Variants in FMNL2 observed in about 807,000 individuals in gnomAD.
FMNL2 encodes formin like 2.
In FMNL2, 51 loss-of-function variants were observed where a neutral mutation model predicts 130.2. The ratio of observed to expected loss-of-function variants is 0.39; its 90% CI spans 0.31 to 0.49. The LOEUF (loss-of-function observed/expected upper bound fraction) is 0.49, where lower values mean the gene tolerates loss of function less well. Ranked by LOEUF, FMNL2 falls within the 20% of genes least tolerant of loss-of-function variation. The pLI, the probability that FMNL2 is intolerant of heterozygous loss-of-function variation, is 0.85. For missense variants in FMNL2, 977 were observed against 1,316.2 expected (o/e 0.74, Z 3.99); for synonymous variants, 465 against 467.1 (o/e 1.00, Z 0.06).
intron 1 of FMNL2, among the ~76,000 whole-genome samples, chr2:152,483,195 C>T (rs1380170027): frequency 6.6e-6 from 1 of 152,002 alleles, no homozygotes. Flanking sequence ...CACACGCAAA[C>T]AGAAACATGG....
intron 1 of FMNL2, among the ~76,000 whole-genome samples, chr2:152,379,786 C>T (rs1684362365): frequency 6.6e-6 from 1 of 152,124 alleles, no homozygotes; most frequent in East Asian, 1.9e-4. Context: ...GTCTTAAATG[C>T]TTGGGAGATT....
chr2:152,368,046 G>A (rs956649176), intron 1 of FMNL2, among the ~76,000 whole-genome samples: 1 of 152,162 alleles, frequency 6.6e-6, no homozygotes, highest in South Asian at 2.1e-4. Context: ...TAAAATCTGA[G>A]ACTTACTGGA....
intron 18 of FMNL2, among the ~76,000 whole-genome samples, chr2:152,629,213 C>T (rs896809441): frequency 6.6e-6 from 1 of 152,238 alleles, no homozygotes; most frequent in Admixed American, 6.5e-5. Flanking sequence ...CTGTTGAAAA[C>T]ATGTTCTGAG....
intron 2 of FMNL2, among the ~76,000 whole-genome samples, chr2:152,541,950 A>T (rs1411151504): frequency 1.3e-5 from 2 of 152,106 alleles, no homozygotes; most frequent in Non-Finnish European, 2.9e-5. Context: ...TTTGGACATT[A>T]GGGTCTATAA....
chr2:152,611,436 G>C (rs1019545093), intron 10 of FMNL2, 59 bp from the exon 11 acceptor site: 1 of 856,296 alleles, frequency 1.2e-6, no homozygotes, highest in African/African-American at 1.7e-5. Flanking sequence ...GCACATGTCT[G>C]CAGTTAAACT....
intron 24 of FMNL2, 49 bp downstream of exon 24, chr2:152,640,105 G>A (rs1682954950): frequency 6.8e-7 from 1 of 1,468,890 alleles, no homozygotes. Context: ...GAGGCTGAGA[G>A]GGCTCTTCAG....
intron 9 of FMNL2, among the ~76,000 whole-genome samples, chr2:152,589,225 A>G (rs1580030310): frequency 6.6e-6 from 1 of 151,670 alleles, no homozygotes; most frequent in African/African-American, 2.4e-5. Flanking sequence ...CTTTAATTAG[A>G]CCCCTTCTGC....
chr2:152,442,873 A>C (rs1688124749), intron 1 of FMNL2, among the ~76,000 whole-genome samples: 5 of 152,180 alleles, frequency 3.3e-5, no homozygotes. Context: ...TTCCATGCTC[A>C]GTTTATGATT....
At position 152,619,089 on chromosome 2, in the gene FMNL2, G is replaced by A; in HGVS notation, c.1558G>A (p.Ala520Thr). 3 of 1,612,340 alleles carry A rather than the reference G, an allele frequency of 1.9e-6. No individual in the cohort carries two copies. The highest frequency in any genetic ancestry group is 2.5e-6 in the Non-Finnish European group (3 of 1,178,680). ...AGNSVGPTMG[A>T]ASSGPLPPPP... The stretch of plus-strand genomic sequence containing the variant: ...TAACTCTGTGGGACCCACAATGGGG[G>A]CCGCTTCCTCAGGACCCTTGCCCCC... Residue 520 changes from alanine (A) to threonine (T), a missense_variant, in exon 14 of 26, where the codon GCC (alanine) becomes ACC (threonine). Ala to Thr is a moderately conservative substitution (Grantham distance 58). Coordinates refer to ENST00000288670, the MANE Select transcript of FMNL2 (RefSeq NM_052905.4).
chr2:152,459,929 A>C (rs990981053), intron 1 of FMNL2, among the ~76,000 whole-genome samples: 1 of 152,216 alleles, frequency 6.6e-6, no homozygotes, highest in African/African-American at 2.4e-5. Context: ...AAATCACCAA[A>C]ATTTTCGTTT....
rs184485357 is a variant in FMNL2 at position 152,447,109 on chromosome 2, T to C, written c.118-74834T>C. On this transcript the variant is annotated intron_variant, in intron 1 of 25. Transcript: ENST00000288670. Reference sequence around the variant, plus strand: ...TTGTGTGAATAAACTCACTTTTTTTTTTTTTGGAGACAAGTTTCTTACTTT... The same window carrying C: ...TTGTGTGAATAAACTCACTTTTTTTCTTTTTGGAGACAAGTTTCTTACTTT... Among the ~76,000 whole-genome samples, 949 of 152,242 alleles carry C rather than the reference T, an allele frequency of 6.2e-3. 5 individuals are homozygous for C. Among genetic ancestry groups the C allele is most frequent in the Non-Finnish European group, 0.01 (711 of 68,020 alleles).
chr2:152,431,294 G>A (rs1687479226), intron 1 of FMNL2, among the ~76,000 whole-genome samples: 1 of 152,190 alleles, frequency 6.6e-6, no homozygotes, highest in Non-Finnish European at 1.5e-5. Context: ...TGATAATGGT[G>A]TGAAAACTTT....
chr2:152,421,666 A>G (rs761305639), intron 1 of FMNL2, among the ~76,000 whole-genome samples: 13 of 152,140 alleles, frequency 8.5e-5, no homozygotes, highest in Non-Finnish European at 1.8e-4. Context: ...AGATGATTCA[A>G]TTCTGTTGGC....
intron 6 of FMNL2, among the ~76,000 whole-genome samples, chr2:152,563,216 T>C (rs58025578): frequency 0.012 from 1,791 of 152,284 alleles, 27 homozygotes; most frequent in African/African-American, 0.038. Flanking sequence ...TGGAAAAACA[T>C]AGGCATTATA....
At position 152,636,507 on chromosome 2, in the gene FMNL2, G is replaced by C. The variant is rs1412659657; in HGVS notation, c.2761G>C (p.Asp921His). ...GACCAAGAGAGAGTACACCATGCAT[G>C]ACCATAACACGCTGCTGAAGGAGTT... Reference protein sequence around the residue: ...DLTKREYTMHDHNTLLKEFIL... With the variant: ...DLTKREYTMHHHNTLLKEFIL... Residue 921 changes from aspartate to histidine, a missense_variant, in exon 22 of 26, where the codon GAC becomes CAC. Coordinates refer to ENST00000288670, the MANE Select transcript of FMNL2 (RefSeq NM_052905.4). 9.3e-6 allele frequency: 15 copies of C among 1,607,900 alleles called. No individual in the cohort carries two copies. Among genetic ancestry groups the C allele is most frequent in the Non-Finnish European group, 1.3e-5 (15 of 1,176,874 alleles).
chr2:152,404,792 T>C (rs1257987178), intron 1 of FMNL2, among the ~76,000 whole-genome samples: 1 of 152,134 alleles, frequency 6.6e-6, no homozygotes, highest in African/African-American at 2.4e-5. Context: ...TGTATAAAAT[T>C]TTTTTGAGAA....
intron 15 of FMNL2, among the ~76,000 whole-genome samples, chr2:152,624,251 G>A (rs538114109): frequency 6.6e-6 from 1 of 151,208 alleles, no homozygotes; most frequent in Admixed American, 6.6e-5. Context: ...TCTGCCTCCC[G>A]GGTTCAAGCG....
chr2:152,339,313 C>G (rs1430354823), intron 1 of FMNL2, among the ~76,000 whole-genome samples: 1 of 152,156 alleles, frequency 6.6e-6, no homozygotes, highest in African/African-American at 2.4e-5. Context: ...TCCTGGGTTA[C>G]ATACACACAT....
At chr2:152,531,746 T>C (rs1693711996) in intron 2 of FMNL2, among the ~76,000 whole-genome samples, 3 of 152,154 alleles carry the variant, frequency 2.0e-5, no homozygotes, top group African/African-American at 7.2e-5. Flanking sequence ...AGGCGTGAAC[T>C]ACTGTACCCA....
Sources: allele counts gnomAD v4.1 joint callset (sites outside exome capture counted in the v4.1 genomes callset), GRCh38; gene constraint gnomAD v4.1.1; transcripts MANE v1.5; gene names NCBI Gene and HGNC (gene_info 2026-07-23, HGNC 2026-07-21).